BHLHE40: variants seen among roughly 807,000 people sequenced by gnomAD.
BHLHE40 encodes the protein basic helix-loop-helix family member e40.
In BHLHE40, 3 loss-of-function variants were observed where a neutral mutation model predicts 35.7. The ratio of observed to expected loss-of-function variants is 0.08; its 90% CI spans 0.04 to 0.22. The LOEUF (loss-of-function observed/expected upper bound fraction) is 0.22. BHLHE40 is among the 10% of genes least tolerant of loss of function. The pLI, the probability that BHLHE40 is intolerant of heterozygous loss-of-function variation, is 1.00. For synonymous variants in BHLHE40, 236 were observed against 213.0 expected (o/e 1.11, Z -0.94); for missense variants, 486 against 524.0 (o/e 0.93, Z 0.71).
In BHLHE40 at chr3:4,979,995, G is replaced by A. The variant is rs757724498; in HGVS notation, c.114G>A (p.Lys38=). 5.0e-6 allele frequency: 8 copies of A among 1,614,196 alleles called. No homozygotes were observed. The Middle Eastern group carries it at 4.9e-4, about 100-fold the overall frequency. The change falls in exon 2 of 5, where the codon AAG becomes AAA. Residue 38 remains lysine (K), a synonymous_variant. Coordinates refer to ENST00000256495, the MANE Select transcript of BHLHE40 (RefSeq NM_003670.3). ...MYPAHMYQVY[K]SRRGIKRSED... ...CTGCCCACATGTACCAAGTGTACAA[G>A]TCAAGACGGGGAATAAAGCGGAGCG... is the stretch of plus-strand genomic sequence containing the variant.
rs2053173775 is a variant in BHLHE40 at position 4,979,766 on chromosome 3, A to G, written c.48A>G (p.Lys16=). ...AACCACCCCCCGCCTGCCTGCCCAA[A>G]GCACCGGGACTGGAGCACGGAGACC... The part of the protein sequence containing the change: ...SAQPPPACLP[K]APGLEHGDLP... The change falls in exon 1 of 5, where the codon AAA becomes AAG. Residue 16 remains lysine (K), a synonymous_variant. Coordinates refer to ENST00000256495, the MANE Select transcript of BHLHE40 (RefSeq NM_003670.3). 1.3e-6 allele frequency: 2 copies of G among 1,587,716 alleles called. No individual in the cohort carries two copies. The highest frequency in any genetic ancestry group is 1.7e-6 in the Non-Finnish European group (2 of 1,167,244).
At chr3:4,982,754 A>G in intron 4 of BHLHE40, 82 bp from the exon 5 acceptor site, 1 of 1,537,048 alleles carries the variant, frequency 6.5e-7, no homozygotes, top group Non-Finnish European at 8.8e-7. Context: ...CAAAAACTAA[A>G]GCACCTGGTT....
At chr3:4,981,545 T>C in intron 4 of BHLHE40, 30 bp downstream of exon 4, 1 of 1,610,324 alleles carries the variant, frequency 6.2e-7, no homozygotes, top group Non-Finnish European at 8.5e-7. Context: ...ATGCTCTCTT[T>C]AAGAGTTTGA....
chr3:4,980,192 G>GTGCTACTC (rs986838843), intron 2 of BHLHE40, 109 bp from the exon 3 acceptor site: 119 of 1,158,748 alleles, frequency 1.0e-4, no homozygotes, highest in Non-Finnish European at 1.4e-4. Flanking sequence ...ATGGTTCTGG[G>GTGCTACTC]TGCTACTCTG....
rs1188760354 is a variant in BHLHE40, at chr3:4,985,214, T to C, written c.*1522T>C. The C allele has an allele frequency of 6.6e-6, 1 of 152,564 alleles. No individual in the cohort carries two copies. Among genetic ancestry groups the C allele is most frequent in the African/African-American group, 2.4e-5 (1 of 41,462 alleles). The allele number at this position is 152,564 out of a possible 1,614,324, so 9.5% of individuals were successfully genotyped here. ...TCCTGAGTTTTTTAAAATAGCTCAC[T>C]TGGTGTGATATGGCTGACTCCCATG... On this transcript the variant is annotated 3_prime_UTR_variant, in exon 5 of 5. Coordinates refer to ENST00000256495, the MANE Select transcript of BHLHE40 (RefSeq NM_003670.3).
Position 4,983,987 on chromosome 3 carries a change from T to A in BHLHE40, c.*295T>A. On this transcript the variant is annotated 3_prime_UTR_variant, in exon 5 of 5. Transcript: ENST00000256495. The surrounding 1 kb of genome is among the most constrained non-coding windows in gnomAD (Gnocchi z 5.0). ...GGGGATTGTAGCAGACGTCTGGGCT[T>A]TTCCCCACCCAGAGAATAGCCCCCT... The A allele has an allele frequency of 2.7e-6, 1 of 373,402 alleles. No individual in the cohort carries two copies. The highest frequency in any genetic ancestry group is 4.8e-6 in the Non-Finnish European group (1 of 206,274). The allele number at this position is 373,402 out of a possible 1,614,324, so 23.1% of individuals were successfully genotyped here.
In BHLHE40 at chr3:4,983,135, G is replaced by C. The variant is rs771342311; in HGVS notation, c.682G>C (p.Ala228Pro). Residue 228 changes from alanine to proline, a missense_variant, in exon 5 of 5, where the codon GCT (alanine) becomes CCT (proline). By Grantham distance (27) the Ala-to-Pro change is conservative. This residue lies in a region of BHLHE40 where 176 missense variants were observed against 180.5 expected (regional missense o/e 0.98). Coordinates refer to ENST00000256495, the MANE Select transcript of BHLHE40 (RefSeq NM_003670.3). This position sits in a 1 kb window ranked among gnomAD's most constrained non-coding sequence, Gnocchi z 5.0. ...CGTGCCAGTCATCCAGCGGACTTTC[G>C]CTCACTCGAGTGGGGAGCAGAGCGG... ...NCVPVIQRTF[A>P]HSSGEQSGSD... The C allele has an allele frequency of 2.5e-5, 40 of 1,613,980 alleles. No individual in the cohort carries two copies. The highest frequency in any genetic ancestry group is 1.9e-4 in the South Asian group (17 of 91,094).
intron 4 of BHLHE40, 98 bp downstream of exon 4, chr3:4,981,613 AT>A: frequency 1.4e-6 from 2 of 1,453,048 alleles, no homozygotes; most frequent in Non-Finnish European, 1.9e-6. Context: ...ACTGCAACAA[AT>A]TGCTTATGCA....
At chr3:4,981,624 A>T in intron 4 of BHLHE40, 109 bp downstream of exon 4, 1 of 1,395,304 alleles carries the variant, frequency 7.2e-7, no homozygotes, top group Non-Finnish European at 9.7e-7. Flanking sequence ...TTGCTTATGC[A>T]CGTTCATTGG....
In BHLHE40 at chr3:4,983,616, A is replaced by G; in HGVS notation, c.1163A>G (p.His388Arg). ...PQRLPSPLPA[H>R]PSVDSSVLLQ... ...AGACTCCCTTCTCCCTTGCCAGCTC[A>G]TCCGTCCGTCGACTCTTCTGTCTTG... The change falls in exon 5 of 5, where the codon CAT (histidine) becomes CGT (arginine). Residue 388 changes from histidine to arginine, a missense_variant. Around this residue, in one of 5 missense-constraint regions of BHLHE40, gnomAD observed 206 missense variants for 208.9 expected, o/e 0.99. Coordinates refer to ENST00000256495, the MANE Select transcript of BHLHE40 (RefSeq NM_003670.3). The surrounding 1 kb of genome is among the most constrained non-coding windows in gnomAD (Gnocchi z 5.0). 1 of 1,614,074 alleles carries G rather than the reference A, an allele frequency of 6.2e-7. No homozygotes were observed. The highest frequency in any genetic ancestry group is 2.2e-5 in the East Asian group (1 of 44,888).
chr3:4,980,436 C>T (rs771707009), intron 3 of BHLHE40, 28 bp downstream of exon 3: 22 of 1,595,698 alleles, frequency 1.4e-5, no homozygotes, highest in Non-Finnish European at 1.8e-5. Context: ...CCCTTTCCAA[C>T]CCAGTCCTTT....
intron 3 of BHLHE40, among the ~76,000 whole-genome samples, chr3:4,981,072 A>T (rs1038148640): frequency 4.6e-5 from 7 of 151,658 alleles, no homozygotes; most frequent in African/African-American, 1.7e-4. Context: ...TGCTGGAGAA[A>T]TTTATCTGTC....
Position 4,983,848 on chromosome 3 carries a change from G to GTA in BHLHE40, c.*157_*158insAT. ...ATTCAGGGTGTGTGTGTGTGTGTGT[G>GTA]TGTGTGTATGTGCGTGTGCGTGCAC... On this transcript the variant is annotated 3_prime_UTR_variant, in exon 5 of 5. Coordinates refer to ENST00000256495, the MANE Select transcript of BHLHE40 (RefSeq NM_003670.3). The surrounding 1 kb of genome is among the most constrained non-coding windows in gnomAD (Gnocchi z 5.0). 3 of 1,015,106 alleles carry GTA rather than the reference G, an allele frequency of 3.0e-6. No homozygotes were observed. Among genetic ancestry groups the GTA allele is most frequent in the Non-Finnish European group, 4.2e-6 (3 of 706,686 alleles). The allele number at this position is 1,015,106 out of a possible 1,614,324, so 62.9% of individuals were successfully genotyped here. A position where few individuals can be genotyped will look rare whatever the true frequency, so the allele number is the denominator to read the frequency against.
intron 1 of BHLHE40, 44 bp downstream of exon 1, chr3:4,979,842 C>G: frequency 1.9e-6 from 3 of 1,595,952 alleles, no homozygotes; most frequent in Non-Finnish European, 2.6e-6. Context: ...ACTGCAGCCC[C>G]ATGTTATGCG....
rs912902041 is a variant in BHLHE40 at position 4,980,286 on chromosome 3, C to T, written c.151-15C>T. ...CCTTCCCCAAGCGCCCACCGCCTCC[C>T]CGTGCGTCTTGCAGGAGACCTACAA... On this transcript the variant is annotated splice_polypyrimidine_tract_variant and intron_variant, in intron 2 of 4. Transcript: ENST00000256495. 6.2e-7 allele frequency: 1 copy of T among 1,612,014 alleles called. No individual in the cohort carries two copies. Among genetic ancestry groups the T allele is most frequent in the Middle Eastern group, 1.7e-4 (1 of 6,054 alleles).
chr3:4,983,462 C>T lies in BHLHE40; in HGVS notation c.1009C>T (p.Pro337Ser), dbSNP rs796481566. The change falls in exon 5 of 5, where the codon CCC becomes TCC. Residue 337 changes from proline (P) to serine (S), a missense_variant. Physicochemically the swap from Pro to Ser is moderately conservative, Grantham distance 74. Transcript: ENST00000256495. The surrounding 1 kb of genome is among the most constrained non-coding windows in gnomAD (Gnocchi z 5.0). ...LIPPSATAYL[P>S]MLEKCWYPTS... Reference sequence around the variant, plus strand: ...CCCACCTTCAGCGACTGCCTACCTGCCCATGCTGGAGAAGTGCTGGTATCC... The same window carrying T: ...CCCACCTTCAGCGACTGCCTACCTGTCCATGCTGGAGAAGTGCTGGTATCC... 4 of 1,614,196 alleles carry T rather than the reference C, an allele frequency of 2.5e-6. No individual in the cohort carries two copies. Among genetic ancestry groups the T allele is most frequent in the Non-Finnish European group, 3.4e-6 (4 of 1,180,046 alleles).
chr3:4,979,795 C>T lies in BHLHE40; in HGVS notation c.77C>T (p.Pro26Leu). 2 of 1,589,910 alleles carry T rather than the reference C, an allele frequency of 1.3e-6. No individual in the cohort carries two copies. Among genetic ancestry groups the T allele is most frequent in the Non-Finnish European group, 1.7e-6 (2 of 1,168,166 alleles). The change falls in exon 1 of 5, where the codon CCA (proline) becomes CTA (leucine). Residue 26 changes from proline to leucine, a missense_variant. By Grantham distance (98) the Pro-to-Leu change is moderately conservative. Around this residue, in one of 5 missense-constraint regions of BHLHE40, gnomAD observed 87 missense variants for 66.7 expected, o/e 1.30. Transcript: ENST00000256495. ...KAPGLEHGDLPGMYPAHMYQV... is the reference protein window; with the variant it reads ...KAPGLEHGDLLGMYPAHMYQV... Reference sequence around the variant, plus strand: ...CCGGGACTGGAGCACGGAGACCTACCAGGGTAAGTTGGCACTCCTTGGCCC... The same window carrying T: ...CCGGGACTGGAGCACGGAGACCTACTAGGGTAAGTTGGCACTCCTTGGCCC...
At chr3:4,981,359 C>A (rs370834947) in intron 3 of BHLHE40, 33 bp from the exon 4 acceptor site, 1 of 1,611,472 alleles carries the variant, frequency 6.2e-7, no homozygotes, top group Non-Finnish European at 8.5e-7. Context: ...ACTTCTCTGA[C>A]CTCACCGCTG....
chr3:4,982,798 C>G, intron 4 of BHLHE40, 38 bp from the exon 5 acceptor site: 4 of 1,612,408 alleles, frequency 2.5e-6, no homozygotes, highest in Non-Finnish European at 3.4e-6. Context: ...CGCCACAGGC[C>G]TTCTGAAACG....
Sources: allele counts gnomAD v4.1 joint callset (sites outside exome capture counted in the v4.1 genomes callset), GRCh38; gene constraint gnomAD v4.1.1; regional missense constraint gnomAD v4.1.1; non-coding constraint Gnocchi (gnomAD v3.1); transcripts MANE v1.5; gene names NCBI Gene and HGNC (gene_info 2026-07-23, HGNC 2026-07-21).